AMOTL2: variants seen among roughly 807,000 people sequenced by gnomAD.
AMOTL2 encodes angiomotin like 2.
AMOTL2 carries 33 observed loss-of-function variants against 78.4 expected under a neutral mutation model. The observed-to-expected ratio is 0.42, with a 90% CI of 0.32 to 0.56. The LOEUF (loss-of-function observed/expected upper bound fraction) is 0.56. Among genes scored for constraint, AMOTL2 ranks in the 20% least tolerant of loss-of-function variants. The pLI is 0.12. For missense variants in AMOTL2, 983 were observed against 1,030.1 expected (o/e 0.95, Z 0.63); for synonymous variants, 422 against 428.8 (o/e 0.98, Z 0.20).
chr3:134,374,473 C>T (rs988381274), upstream of AMOTL2: 4 of 985,504 alleles, frequency 4.1e-6, no homozygotes, highest in Non-Finnish European at 4.8e-6. Context: ...AGCGCGCAGC[C>T]CCAGGGTCGG....
Position 134,365,693 on chromosome 3 carries a change from G to A in AMOTL2, c.1279+124C>T. The A allele has an allele frequency of 1.4e-5, 11 of 804,044 alleles. 1 individual carries two copies. The South Asian group carries it at 1.7e-4, about 12-fold the overall frequency. 49.8% of individuals were successfully genotyped at this position (804,044 alleles called of 1,614,324 possible). On this transcript the variant is annotated intron_variant, in intron 5 of 9. Coordinates refer to ENST00000249883, the MANE Select transcript of AMOTL2 (RefSeq NM_016201.4). ...CAGTCTAGTGTTGGGCATACAGTGG[G>A]CAGTAAACCTGCTCCCAAAGTACTA... is the stretch of plus-strand genomic sequence containing the variant.
chr3:134,358,820 GGGCTGC>G (rs2017206931), intron 8 of AMOTL2, 101 bp from the exon 9 acceptor site: 1 of 1,375,690 alleles, frequency 7.3e-7, no homozygotes, highest in East Asian at 2.3e-5. Context: ...AAGGTGGAGT[GGGCTGC>G]TCTTGATTTG....
rs746443627 is a variant in AMOTL2, at chr3:134,367,568, G to A, written c.970C>T (p.Leu324=). Residue 324 remains leucine, a synonymous_variant, in exon 3 of 10, where the codon CTG becomes TTG. Transcript: ENST00000249883. ...MEAVLRENAR[L]QRDNERLQRE... is the part of the protein sequence containing the mutation. ...TGCAGCCGCTCATTGTCTCTCTGCA[G>A]CCTGGCATTCTCCCTCAGCACGGCC... 6.2e-7 allele frequency: 1 copy of A among 1,613,406 alleles called. No homozygotes were observed. The highest frequency in any genetic ancestry group is 2.2e-5 in the East Asian group (1 of 44,878).
At chr3:134,365,062 G>A (rs1311689684) in intron 5 of AMOTL2, among the ~76,000 whole-genome samples, 1 of 151,950 alleles carries the variant, frequency 6.6e-6, no homozygotes, top group Non-Finnish European at 1.5e-5. Flanking sequence ...AGGCCACCGG[G>A]GCTCCTAATC....
rs144985145 is a variant in AMOTL2 at position 134,371,341 on chromosome 3, C to T, written c.93G>A (p.Leu31=). 1 of 1,611,446 alleles carries T rather than the reference C, an allele frequency of 6.2e-7. No individual in the cohort carries two copies. Among genetic ancestry groups the T allele is most frequent in the Non-Finnish European group, 8.5e-7 (1 of 1,180,016 alleles). The change falls in exon 2 of 10, where the codon CTG becomes CTA. Residue 31 remains leucine, a synonymous_variant. Coordinates refer to ENST00000249883, the MANE Select transcript of AMOTL2 (RefSeq NM_016201.4). ...TCAGGGCCTGCTGCTGGATGGCTAG[C>T]AGCGTGCGCGTCTCAGTCAGGTTGC... ...RYGNLTETRT[L]LAIQQQALRG...
rs560827740 is a variant in AMOTL2 at position 134,367,700 on chromosome 3, G to C, written c.838C>G (p.Leu280Val). The change falls in exon 3 of 10, where the codon CTC becomes GTC. Residue 280 changes from leucine (L) to valine (V), a missense_variant. By Grantham distance (32) the Leu-to-Val change is conservative (BLOSUM62 1). Transcript: ENST00000249883. ...EHPPPPHPAALGHGPLSSLSP... is the reference protein window; with the variant it reads ...EHPPPPHPAAVGHGPLSSLSP... Reference sequence around the variant, plus strand: ...AGGGAGCTCAGGGGGCCATGGCCGAGAGCAGCTGGATGTGGGGGAGGGGGG... The same window carrying C: ...AGGGAGCTCAGGGGGCCATGGCCGACAGCAGCTGGATGTGGGGGAGGGGGG... The C allele has an allele frequency of 1.5e-4, 240 of 1,613,626 alleles. 3 individuals are homozygous for C. In the South Asian group the frequency reaches 2.3e-3, roughly 15 times the overall value.
chr3:134,366,408 C>T lies in AMOTL2; in HGVS notation c.1061G>A (p.Arg354Gln), dbSNP rs575761212. Residue 354 changes from arginine to glutamine, a missense_variant, in exon 4 of 10, where the codon CGG becomes CAG. Physicochemically the swap from Arg to Gln is conservative, Grantham distance 43. Transcript: ENST00000249883. ...CAGGCTCTCATGGGCCTCAGAGAGC[C>T]GCTGGATTTCGCTTTCCAGCTGCAA... ...RIEKLESEIQ[R>Q]LSEAHESLTR... 31 of 1,612,464 alleles carry T rather than the reference C, an allele frequency of 1.9e-5. No homozygotes were observed. The highest frequency in any genetic ancestry group is 4.4e-5 in the South Asian group (4 of 90,822).
Position 134,365,872 on chromosome 3 carries a change from C to T in AMOTL2, c.1224G>A (p.Lys408=), listed in dbSNP as rs1236989415. The T allele has an allele frequency of 6.2e-7, 1 of 1,614,228 alleles. No individual in the cohort carries two copies. Among genetic ancestry groups the T allele is most frequent in the Non-Finnish European group, 8.5e-7 (1 of 1,180,034 alleles). The change falls in exon 5 of 10, where the codon AAG becomes AAA. Residue 408 remains lysine, a synonymous_variant. Transcript: ENST00000249883. The stretch of plus-strand genomic sequence containing the variant: ...GACTGCCGGCCTGGGCCTCCTGTGT[C>T]TTGCTTGCCAGGCGGCGATTTGCAG... The part of the protein sequence containing the change: ...LESANRRLAS[K]TQEAQAGSQD...
chr3:134,360,785 A>G (rs2017320667), intron 6 of AMOTL2, among the ~76,000 whole-genome samples: 1 of 152,220 alleles, frequency 6.6e-6, no homozygotes, highest in South Asian at 2.1e-4. Flanking sequence ...TTGGTTTGTA[A>G]ACACCAAGAG....
At chr3:134,373,393 G>A (rs1420737686) in intron 1 of AMOTL2, 2 of 889,060 alleles carry the variant, frequency 2.2e-6, no homozygotes, top group Non-Finnish European at 2.7e-6. Flanking sequence ...CTGGGAGCAA[G>A]GAACATCTCC....
At chr3:134,363,448 C>T (rs528147260) in intron 5 of AMOTL2, among the ~76,000 whole-genome samples, 26 of 152,322 alleles carry the variant, frequency 1.7e-4, no homozygotes, top group African/African-American at 5.8e-4. Flanking sequence ...TCCACCTGTG[C>T]GTTCAGTTTG....
intron 7 of AMOTL2, 125 bp from the exon 8 acceptor site, chr3:134,359,628 C>T: frequency 1.3e-6 from 1 of 762,332 alleles, no homozygotes; most frequent in Non-Finnish European, 2.1e-6. Context: ...AGGCTGGATC[C>T]TTCTGTGCTT....
chr3:134,374,998 G>A, upstream of AMOTL2: 5 of 1,430,462 alleles, frequency 3.5e-6, no homozygotes, highest in Non-Finnish European at 4.6e-6. Context: ...TCTGGGCTGG[G>A]ACAGTGCCCC....
At chr3:134,367,888 G>C in intron 2 of AMOTL2, 85 bp from the exon 3 acceptor site, 1 of 1,132,666 alleles carries the variant, frequency 8.8e-7, no homozygotes, top group Non-Finnish European at 1.3e-6. Flanking sequence ...CCCACTCCTA[G>C]GCATACTGGG....
chr3:134,373,926 T>C (rs999161790), intron 1 of AMOTL2: 23 of 805,274 alleles, frequency 2.9e-5, no homozygotes, highest in African/African-American at 3.7e-5. Context: ...CTTGGACTAG[T>C]TGGGGGCAAA....
chr3:134,371,558 G>C, intron 1 of AMOTL2, 64 bp from the exon 2 acceptor site: 1 of 1,496,926 alleles, frequency 6.7e-7, no homozygotes, highest in Non-Finnish European at 8.9e-7. Context: ...GAAAGGAGAA[G>C]GCTTTCCAGG....
At chr3:134,359,802 T>C (rs1559795394) in intron 7 of AMOTL2, among the ~76,000 whole-genome samples, 1 of 152,204 alleles carries the variant, frequency 6.6e-6, no homozygotes, top group East Asian at 1.9e-4. Context: ...CAGATGATAG[T>C]GGCGGCACAG....
rs180847558 is a variant in AMOTL2 at position 134,355,451 on chromosome 3, T to C, written c.*2254A>G. 1.9e-3 allele frequency among the ~76,000 whole-genome samples: 292 copies of C among 152,262 alleles called. No individual in the cohort carries two copies. The highest frequency in any genetic ancestry group is 6.5e-3 in the African/African-American group (269 of 41,554). The stretch of plus-strand genomic sequence containing the variant: ...AGGAGGGAGGCGGTGGCTAAGAACA[T>C]GCACATTCTTGAATGTCCTCTGCAT... On this transcript the variant is annotated 3_prime_UTR_variant, in exon 10 of 10. Transcript: ENST00000249883.
chr3:134,375,331 G>A, upstream of AMOTL2: 1 of 1,217,202 alleles, frequency 8.2e-7, no homozygotes, highest in South Asian at 1.3e-5. Flanking sequence ...ACCCTCCAAC[G>A]GAGTTCTGTT....
Sources: allele counts gnomAD v4.1 joint callset (sites outside exome capture counted in the v4.1 genomes callset), GRCh38; gene constraint gnomAD v4.1.1; transcripts MANE v1.5; gene names NCBI Gene and HGNC (gene_info 2026-07-23, HGNC 2026-07-21).